The following PDZRN4 variants were observed in gnomAD, a reference collection of about 807,000 sequenced individuals.
The protein encoded by PDZRN4 is PDZ domain containing ring finger 4.
A neutral mutation model predicts 99.0 loss-of-function variants in PDZRN4; 70 were observed. The observed-to-expected ratio is 0.71, with a 90% confidence interval of 0.58 to 0.86. The LOEUF (loss-of-function observed/expected upper bound fraction) is 0.86. PDZRN4 is among the 40% of genes least tolerant of loss of function. The probability of loss-of-function intolerance (pLI) is 0.00; values close to 1 mark genes in which losing one functional copy is unlikely to be tolerated. For synonymous variants in PDZRN4, 551 were observed against 501.6 expected, an observed-to-expected ratio of 1.10 and a Z score of -1.32; for missense variants, 1,474 against 1,331.2, an observed-to-expected ratio of 1.11 and a Z score of -1.67.
intron 3 of PDZRN4, among the ~76,000 whole-genome samples, chr12:41,316,845 G>T (rs1390337042): frequency 2.0e-5 from 3 of 151,274 alleles, no homozygotes; most frequent in Non-Finnish European, 4.4e-5. Context: ...AGAACACCTG[G>T]CCTCCATCTC....
intron 6 of PDZRN4, among the ~76,000 whole-genome samples, chr12:41,553,525 T>A (rs575150123): frequency 7.4e-4 from 50 of 67,768 alleles, no homozygotes; most frequent in African/African-American, 3.4e-3. Flanking sequence ...ACTCTGTCTC[T>A]ACAAAAAAAA....
chr12:41,403,813 G>T (rs1334862229), intron 3 of PDZRN4, among the ~76,000 whole-genome samples: 1 of 151,904 alleles, frequency 6.6e-6, no homozygotes, highest in Non-Finnish European at 1.5e-5. Context: ...TTAGTACCAG[G>T]CATATGAAAT....
At chr12:41,315,571 T>C (rs1380774540) in intron 3 of PDZRN4, among the ~76,000 whole-genome samples, 1 of 152,162 alleles carries the variant, frequency 6.6e-6, no homozygotes, top group Admixed American at 6.6e-5. Context: ...AAAACTATAA[T>C]TCTTGTGATT....
rs534424819 is a variant in PDZRN4 at position 41,481,765 on chromosome 12, A to T, written c.844-24691A>T. Among the ~76,000 whole-genome samples, 16 of 152,064 alleles carry T rather than the reference A, an allele frequency of 1.1e-4. No individual in the cohort carries two copies. The East Asian group carries it at 3.1e-3, about 29-fold the overall frequency. ...TATTACATTATTGTTTATCTTTTTT[A>T]TGTACATGTCCAATCTCTACAACTA... is the stretch of plus-strand genomic sequence containing the variant. On this transcript the variant is annotated intron_variant, in intron 3 of 9. Transcript: ENST00000402685.
chr12:41,350,523 T>C (rs1951882660), intron 3 of PDZRN4, among the ~76,000 whole-genome samples: 1 of 152,076 alleles, frequency 6.6e-6, no homozygotes, highest in South Asian at 2.1e-4. Flanking sequence ...TTGATACATT[T>C]TAGTGAAAAA....
chr12:41,571,778 C>A (rs766132005), intron 9 of PDZRN4, among the ~76,000 whole-genome samples: 1 of 152,140 alleles, frequency 6.6e-6, no homozygotes, highest in Non-Finnish European at 1.5e-5. Flanking sequence ...AACCTGAATC[C>A]TTTTGGAATT....
At chr12:41,196,108 T>C (rs1441104630) in intron 3 of PDZRN4, among the ~76,000 whole-genome samples, 1 of 152,144 alleles carries the variant, frequency 6.6e-6, no homozygotes, top group Non-Finnish European at 1.5e-5. Context: ...TACTGTTTTT[T>C]TTAAAGAGGT....
At chr12:41,298,365 A>G (rs1013662897) in intron 3 of PDZRN4, among the ~76,000 whole-genome samples, 3 of 152,140 alleles carry the variant, frequency 2.0e-5, no homozygotes. Context: ...AGAATGTGCT[A>G]TTCTGGTTGA....
chr12:41,388,430 T>C (rs1255521565), intron 3 of PDZRN4, among the ~76,000 whole-genome samples: 2 of 152,016 alleles, frequency 1.3e-5, no homozygotes, highest in Non-Finnish European at 2.9e-5. Flanking sequence ...AAGAGCCAAA[T>C]TTTGAAGCAT....
Position 41,218,906 on chromosome 12 carries a change from A to G in PDZRN4, c.843+24718A>G, listed in dbSNP as rs565237435. Among the ~76,000 whole-genome samples, 4 of 150,850 alleles carry G rather than the reference A, an allele frequency of 2.7e-5. No individual in the cohort carries two copies. In the East Asian group the frequency reaches 7.7e-4, roughly 29 times the overall value. On this transcript the variant is annotated intron_variant, in intron 3 of 9. Transcript: ENST00000402685. ...ACATAAGTCTCTACATTATTATTCC[A>G]ATAGCTAGGAATATTATTTTTCCTA...
At chr12:41,514,811 G>A (rs1202522444) in intron 5 of PDZRN4, among the ~76,000 whole-genome samples, 1 of 152,054 alleles carries the variant, frequency 6.6e-6, no homozygotes, top group Non-Finnish European at 1.5e-5. Context: ...CTTGGAGTCA[G>A]GAGTTTTAAT....
intron 3 of PDZRN4, among the ~76,000 whole-genome samples, chr12:41,429,675 A>G (rs532449207): frequency 1.4e-4 from 21 of 152,172 alleles, no homozygotes; most frequent in African/African-American, 4.8e-4. Context: ...TTTACTTCCC[A>G]TGCAGAGAGG....
At chr12:41,467,493 C>A (rs768293845) in intron 3 of PDZRN4, among the ~76,000 whole-genome samples, 2 of 152,164 alleles carry the variant, frequency 1.3e-5, no homozygotes, top group South Asian at 2.1e-4. Flanking sequence ...AGAAAAAACA[C>A]GAAAGGAGGT....
Position 41,241,630 on chromosome 12 carries a change from TG to T in PDZRN4, c.843+47443del, listed in dbSNP as rs560858743. On this transcript the variant is annotated intron_variant, in intron 3 of 9. Transcript: ENST00000402685. ...GAGAATTAAATAATACAGTAAATATTGAAACACTTAATATAGTGCAAGGTCT... is the reference window on the plus strand; with the variant it reads ...GAGAATTAAATAATACAGTAAATATTAAACACTTAATATAGTGCAAGGTCT... 2.1e-4 allele frequency among the ~76,000 whole-genome samples: 32 copies of T among 152,328 alleles called. No individual in the cohort carries two copies. In the South Asian group the frequency reaches 6.2e-3, roughly 30 times the overall value.
At chr12:41,298,066 T>C (rs1203843292) in intron 3 of PDZRN4, among the ~76,000 whole-genome samples, 1 of 152,156 alleles carries the variant, frequency 6.6e-6, no homozygotes, top group Non-Finnish European at 1.5e-5. Flanking sequence ...TCCTACAGAA[T>C]ACAGAAACCA....
intron 3 of PDZRN4, among the ~76,000 whole-genome samples, chr12:41,305,646 C>T (rs1226598766): frequency 1.3e-5 from 2 of 152,036 alleles, no homozygotes; most frequent in East Asian, 3.9e-4. Context: ...TCATCTAAAC[C>T]TAATTACCTC....
At chr12:41,452,449 A>AGAAAAG (rs1555143732) in intron 3 of PDZRN4, among the ~76,000 whole-genome samples, 4 of 141,772 alleles carry the variant, frequency 2.8e-5, no homozygotes, top group African/African-American at 1.1e-4. Context: ...AAAAAAAAAA[A>AGAAAAG]AAAGAAAGAA....
At chr12:41,452,208 T>A (rs1292331605) in intron 3 of PDZRN4, among the ~76,000 whole-genome samples, 1 of 149,932 alleles carries the variant, frequency 6.7e-6, no homozygotes, top group Non-Finnish European at 1.5e-5. Flanking sequence ...GGCAGGCGAA[T>A]CACAAGGTCA....
chr12:41,402,383 GTGTATATATATATATACACAC>G (rs1161520918), intron 3 of PDZRN4, among the ~76,000 whole-genome samples: 2 of 2 alleles, frequency 1, 1 homozygote, highest in Non-Finnish European at 1. Flanking sequence ...TACACACACT[GTGTATATATATATATACACAC>G]AGTGTGTATA....
Sources: allele counts gnomAD v4.1 joint callset (sites outside exome capture counted in the v4.1 genomes callset), GRCh38; gene constraint gnomAD v4.1.1; transcripts MANE v1.5; gene names NCBI Gene and HGNC (gene_info 2026-07-23, HGNC 2026-07-21).